The following TMEM41B variants were observed in gnomAD, a reference collection of about 807,000 sequenced individuals.
The protein encoded by TMEM41B is transmembrane protein 41B.
TMEM41B carries 18 observed loss-of-function variants against 31.9 expected under a neutral mutation model. The ratio of observed to expected loss-of-function variants is 0.56; its 90% CI spans 0.39 to 0.84. TMEM41B has a LOEUF of 0.84. Ranked by LOEUF, TMEM41B falls within the 40% of genes least tolerant of loss-of-function variation. TMEM41B has a pLI of 0.00. For synonymous variants in TMEM41B, 144 were observed against 124.3 expected (o/e 1.16, Z -1.05); for missense variants, 322 against 348.0 (o/e 0.93, Z 0.59).
chr11:9,305,498 G>A (rs567050439), intron 1 of TMEM41B, among the ~76,000 whole-genome samples: 26 of 152,252 alleles, frequency 1.7e-4, no homozygotes, highest in African/African-American at 4.8e-4. Flanking sequence ...CACTGGGGAG[G>A]CTAAGGCACA....
chr11:9,305,137 T>C (rs1386203720), intron 1 of TMEM41B, among the ~76,000 whole-genome samples: 1 of 152,172 alleles, frequency 6.6e-6, no homozygotes, highest in Non-Finnish European at 1.5e-5. Flanking sequence ...GCTAAAATAG[T>C]TATTTTTCTA....
At chr11:9,308,325 A>G (rs1853451491) in intron 1 of TMEM41B, among the ~76,000 whole-genome samples, 1 of 152,190 alleles carries the variant, frequency 6.6e-6, no homozygotes, top group Non-Finnish European at 1.5e-5. Flanking sequence ...CCTGGGCAAC[A>G]GAGCAAGACA....
At chr11:9,304,879 A>C (rs1448080029) in intron 1 of TMEM41B, among the ~76,000 whole-genome samples, 1 of 152,022 alleles carries the variant, frequency 6.6e-6, no homozygotes. Flanking sequence ...GATGGTCTTG[A>C]TCTCTTAACC....
chr11:9,296,916 T>C (rs1853104885), intron 2 of TMEM41B, among the ~76,000 whole-genome samples: 1 of 150,572 alleles, frequency 6.6e-6, no homozygotes, highest in South Asian at 2.1e-4. Context: ...TGATCATTTC[T>C]TTTTTTTTGT....
chr11:9,287,334 A>G (rs1380668787), intron 5 of TMEM41B, among the ~76,000 whole-genome samples: 1 of 152,142 alleles, frequency 6.6e-6, no homozygotes, highest in Admixed American at 6.6e-5. Flanking sequence ...AAAAAAATGC[A>G]CTGGGAGTTG....
Position 9,286,441 on chromosome 11 carries a change from A to C in TMEM41B, c.706+14T>G. ...CACAGTGAGCTCATACACAGCAAGA[A>C]CCAGAGGGCTTACCTAGAAAAGTAC... On this transcript the variant is annotated intron_variant, in intron 6 of 6. Coordinates refer to ENST00000528080, the MANE Select transcript of TMEM41B (RefSeq NM_015012.4). The C allele has an allele frequency of 6.2e-7, 1 of 1,604,840 alleles. No homozygotes were observed. Among genetic ancestry groups the C allele is most frequent in the Non-Finnish European group, 8.5e-7 (1 of 1,176,110 alleles).
Position 9,280,723 on chromosome 11 carries a change from T to C in TMEM41B, c.*2701A>G, listed in dbSNP as rs1335775595. 1 of 152,222 alleles carries C rather than the reference T, an allele frequency of 6.6e-6. No homozygotes were observed. Among genetic ancestry groups the C allele is most frequent in the Non-Finnish European group, 1.5e-5 (1 of 68,042 alleles). The allele number at this position is 152,222 out of a possible 1,614,324, so 9.4% of individuals were successfully genotyped here. On this transcript the variant is annotated 3_prime_UTR_variant, in exon 7 of 7. Transcript: ENST00000528080. ...GCATTTACTAAGTGTCATGGAAATATTATACTCAAAATAACAGAGCTCCAG... is the reference window on the plus strand; with the variant it reads ...GCATTTACTAAGTGTCATGGAAATACTATACTCAAAATAACAGAGCTCCAG...
chr11:9,286,101 C>G (rs1354025936), intron 6 of TMEM41B, among the ~76,000 whole-genome samples: 1 of 151,872 alleles, frequency 6.6e-6, no homozygotes. Flanking sequence ...GGCGACAGAT[C>G]GAGACTCAGG....
intron 1 of TMEM41B, chr11:9,311,233 G>T: frequency 6.8e-7 from 1 of 1,480,192 alleles, no homozygotes; most frequent in Non-Finnish European, 9.1e-7. Context: ...AGCTTGATAG[G>T]AGAGCAGAAC....
chr11:9,289,657 T>A (rs1411579021), intron 3 of TMEM41B, among the ~76,000 whole-genome samples: 2 of 152,208 alleles, frequency 1.3e-5, no homozygotes, highest in African/African-American at 4.8e-5. Flanking sequence ...GGAGATTCTC[T>A]CCTCGTTCCC....
chr11:9,307,578 G>T (rs1309740228), intron 1 of TMEM41B, among the ~76,000 whole-genome samples: 1 of 151,972 alleles, frequency 6.6e-6, no homozygotes, highest in Non-Finnish European at 1.5e-5. Context: ...AAGTAGCTGG[G>T]ATTACAGGCG....
intron 2 of TMEM41B, among the ~76,000 whole-genome samples, chr11:9,296,942 G>A (rs934141164): frequency 6.6e-6 from 1 of 151,082 alleles, no homozygotes; most frequent in African/African-American, 2.4e-5. Context: ...CTATAGGCAG[G>A]CTCCCATGCT....
At position 9,314,392 on chromosome 11, in the gene TMEM41B, G is replaced by T; in HGVS notation, c.50C>A (p.Thr17Lys). ...CGCTGCCCCGTCCCCCACGGGGGTC[G>T]TGTGGTGAGCGCCCAACTGCGATCG... ...AERSQLGAHHTTPVGDGAAGT... is the reference protein window; with the variant it reads ...AERSQLGAHHKTPVGDGAAGT... The change falls in exon 1 of 7, where the codon ACG (threonine) becomes AAG (lysine). Residue 17 changes from threonine (T) to lysine (K), a missense_variant. Transcript: ENST00000528080. 3 of 1,572,732 alleles carry T rather than the reference G, an allele frequency of 1.9e-6. No homozygotes were observed. Among genetic ancestry groups the T allele is most frequent in the Non-Finnish European group, 2.6e-6 (3 of 1,159,378 alleles).
At chr11:9,306,350 C>G (rs145777130) in intron 1 of TMEM41B, among the ~76,000 whole-genome samples, 183 of 152,208 alleles carry the variant, frequency 1.2e-3, no homozygotes, top group African/African-American at 4.2e-3. Context: ...CTATTATGTG[C>G]TTTTCCAACC....
At chr11:9,290,514 C>A (rs1023275263) in intron 3 of TMEM41B, among the ~76,000 whole-genome samples, 1 of 151,082 alleles carries the variant, frequency 6.6e-6, no homozygotes, top group Non-Finnish European at 1.5e-5. Context: ...CAAACCTGCA[C>A]GCTGTGCACA....
Position 9,314,580 on chromosome 11 carries a change from C to T in TMEM41B, c.-139G>A. The T allele has an allele frequency of 8.2e-7, 1 of 1,225,892 alleles. No homozygotes were observed. The highest frequency in any genetic ancestry group is 1.6e-5 in the South Asian group (1 of 64,026). 75.9% of individuals were successfully genotyped at this position (1,225,892 alleles called of 1,614,324 possible). ...CCTCCTCACCCGAGACGACCTCAGC[C>T]CAGCGAGTACTGCAACCTCCTGCAA... On this transcript the variant is annotated 5_prime_UTR_variant, in exon 1 of 7. Coordinates refer to ENST00000528080, the MANE Select transcript of TMEM41B (RefSeq NM_015012.4).
intron 3 of TMEM41B, among the ~76,000 whole-genome samples, chr11:9,291,637 T>C (rs1852962485): frequency 1.3e-5 from 2 of 151,952 alleles, no homozygotes; most frequent in Admixed American, 1.3e-4. Flanking sequence ...CCCGATCTCG[T>C]GATCCACCCC....
At chr11:9,286,914 C>T (rs979546151) in intron 5 of TMEM41B, among the ~76,000 whole-genome samples, 26 of 151,312 alleles carry the variant, frequency 1.7e-4, no homozygotes, top group Non-Finnish European at 2.9e-4. Flanking sequence ...GCAGGAGAAT[C>T]GCTTGAACCC....
intron 1 of TMEM41B, among the ~76,000 whole-genome samples, chr11:9,307,096 C>T (rs1853415990): frequency 6.6e-6 from 1 of 152,076 alleles, no homozygotes; most frequent in South Asian, 2.1e-4. Context: ...ATAATTTAAC[C>T]TTAATGTCCC....
Sources: allele counts gnomAD v4.1 joint callset (sites outside exome capture counted in the v4.1 genomes callset), GRCh38; gene constraint gnomAD v4.1.1; transcripts MANE v1.5; gene names NCBI Gene and HGNC (gene_info 2026-07-23, HGNC 2026-07-21).